Variants in PABPC4L observed in about 807,000 individuals in gnomAD.
The protein encoded by PABPC4L is polyadenylate-binding protein 4-like.
For synonymous variants in PABPC4L, 169 were observed against 164.1 expected, an observed-to-expected ratio of 1.03 and a Z score of -0.23; for missense variants, 452 against 451.4, an observed-to-expected ratio of 1.00 and a Z score of -0.01.
chr4:134,178,038 C>CCT, the PABPC4L span, among the ~76,000 whole-genome samples: 2 of 152,030 alleles, frequency 1.3e-5, no homozygotes, highest in African/African-American at 4.8e-5. Context: ...TTTCTGGTAG[C>CCT]CAGGAAAGCC....
chr4:134,123,478 G>T, the PABPC4L span, among the ~76,000 whole-genome samples: 2 of 152,028 alleles, frequency 1.3e-5, no homozygotes, highest in African/African-American at 4.8e-5. Context: ...CAAGTGTTTG[G>T]TGCAGTGCAC....
At chr4:134,155,730 C>T in the PABPC4L span, among the ~76,000 whole-genome samples, 1,074 of 151,932 alleles carry the variant, frequency 7.1e-3, 19 homozygotes, top group African/African-American at 0.024. Flanking sequence ...GTTATTTTAT[C>T]GTTAACTACC....
the PABPC4L span, among the ~76,000 whole-genome samples, chr4:133,956,580 C>T: frequency 6.6e-6 from 1 of 152,130 alleles, no homozygotes; most frequent in African/African-American, 2.4e-5. Context: ...GGTCATAAAA[C>T]CCTCATGTGA....
the PABPC4L span, among the ~76,000 whole-genome samples, chr4:134,056,453 T>A: frequency 2.6e-5 from 4 of 151,946 alleles, no homozygotes; most frequent in Non-Finnish European, 4.4e-5. Context: ...CCATGTTGAG[T>A]CTTACAGTCC....
the PABPC4L span, among the ~76,000 whole-genome samples, chr4:134,020,235 G>C: frequency 6.6e-6 from 1 of 152,080 alleles, no homozygotes; most frequent in African/African-American, 2.4e-5. Context: ...CGTAGATAGA[G>C]TGGGATGTTC....
the PABPC4L span, among the ~76,000 whole-genome samples, chr4:134,005,807 C>G: frequency 6.6e-6 from 1 of 151,644 alleles, no homozygotes; most frequent in African/African-American, 2.4e-5. Context: ...AAGTTGGCTT[C>G]TCAGAGAAAG....
At chr4:134,089,859 C>A in the PABPC4L span, among the ~76,000 whole-genome samples, 2 of 151,976 alleles carry the variant, frequency 1.3e-5, no homozygotes, top group African/African-American at 4.8e-5. Flanking sequence ...GGGATAATTG[C>A]AGAGAGTTTG....
the PABPC4L span, among the ~76,000 whole-genome samples, chr4:134,023,208 A>G: frequency 1.3e-5 from 2 of 152,162 alleles, no homozygotes; most frequent in African/African-American, 4.8e-5. Flanking sequence ...GTGCACAGTC[A>G]TCTGACACTG....
chr4:133,958,132 G>A, the PABPC4L span, among the ~76,000 whole-genome samples: 1 of 152,208 alleles, frequency 6.6e-6, no homozygotes, highest in Non-Finnish European at 1.5e-5. Flanking sequence ...TCAACAGGCT[G>A]CAGATTTTCC....
chr4:134,026,032 T>G, the PABPC4L span, among the ~76,000 whole-genome samples: 1 of 152,178 alleles, frequency 6.6e-6, no homozygotes, highest in African/African-American at 2.4e-5. Context: ...GGCAATATTT[T>G]AAAAGATTAA....
the PABPC4L span, among the ~76,000 whole-genome samples, chr4:134,181,023 C>G: frequency 1.3e-5 from 2 of 151,908 alleles, no homozygotes; most frequent in Middle Eastern, 3.4e-3. Context: ...CTCCCTAACT[C>G]TACGAGGTCA....
At chr4:134,011,950 C>T in the PABPC4L span, among the ~76,000 whole-genome samples, 3 of 152,080 alleles carry the variant, frequency 2.0e-5, no homozygotes, top group Non-Finnish European at 2.9e-5. Flanking sequence ...TCTCCCTTTT[C>T]TGTTTTTCCC....
chr4:133,977,523 A>G, the PABPC4L span, among the ~76,000 whole-genome samples: 2 of 151,692 alleles, frequency 1.3e-5, no homozygotes, highest in African/African-American at 4.8e-5. Flanking sequence ...CATTTTTTTG[A>G]TATTTCTTCC....
At chr4:134,163,662 G>T in the PABPC4L span, among the ~76,000 whole-genome samples, 2 of 152,046 alleles carry the variant, frequency 1.3e-5, no homozygotes, top group South Asian at 4.1e-4. Flanking sequence ...TAATCAAGTG[G>T]GTTTCAGCCC....
chr4:134,124,969 A>G, the PABPC4L span, among the ~76,000 whole-genome samples: 1 of 152,112 alleles, frequency 6.6e-6, no homozygotes, highest in Admixed American at 6.6e-5. Flanking sequence ...CTCTAGTATA[A>G]TACTATAATA....
the PABPC4L span, among the ~76,000 whole-genome samples, chr4:134,080,896 G>A: frequency 1.7e-4 from 26 of 152,188 alleles, no homozygotes; most frequent in African/African-American, 6.0e-4. Context: ...AACACACAGT[G>A]TATCATATTG....
chr4:134,088,570 T>C, the PABPC4L span, among the ~76,000 whole-genome samples: 10 of 152,070 alleles, frequency 6.6e-5, no homozygotes, highest in Non-Finnish European at 1.5e-4. Context: ...TGATTAAGTA[T>C]AAGGGTGAGC....
the PABPC4L span, among the ~76,000 whole-genome samples, chr4:134,129,694 T>C: frequency 5.3e-5 from 8 of 151,994 alleles, no homozygotes; most frequent in African/African-American, 1.9e-4. Context: ...TGAATGATAA[T>C]AGTGACAAAA....
At chr4:134,099,315 C>T in the PABPC4L span, among the ~76,000 whole-genome samples, 1 of 151,534 alleles carries the variant, frequency 6.6e-6, no homozygotes, top group Non-Finnish European at 1.5e-5. Context: ...TCATTCAAAG[C>T]CAGATAGACT....
Sources: gnomAD v4.1 joint callset for allele counts (sites outside exome capture counted in the v4.1 genomes callset) on GRCh38, gnomAD v4.1.1 for gene constraint, MANE v1.5 for transcripts, NCBI Gene and HGNC (gene_info 2026-07-23, HGNC 2026-07-21) for gene names.